The following SUGCT variants were observed in gnomAD, a reference collection of about 807,000 sequenced individuals.
SUGCT encodes the protein succinyl-CoA:glutarate-CoA transferase, also known as succinyl-CoA:glutarate CoA-transferase.
Under a neutral mutation model 55.0 loss-of-function variants are expected in SUGCT, and 41 were observed. That is an observed-to-expected ratio of 0.74 (90% CI 0.58 to 0.97). The LOEUF is 0.97. Among genes scored for constraint, SUGCT ranks in the 50% least tolerant of loss-of-function variants. SUGCT has a pLI of 0.00. For synonymous variants in SUGCT, 187 were observed against 200.4 expected (o/e 0.93, Z 0.56); for missense variants, 568 against 547.8 (o/e 1.04, Z -0.37).
chr7:41,016,892 G>T, the SUGCT span, among the ~76,000 whole-genome samples: 3 of 152,190 alleles, frequency 2.0e-5, no homozygotes. Context: ...CCCAAAAGTG[G>T]AAATCAGGTT....
chr7:40,818,042 C>T (rs987236824), intron 13 of SUGCT, among the ~76,000 whole-genome samples: 2 of 152,166 alleles, frequency 1.3e-5, no homozygotes, highest in African/African-American at 4.8e-5. Flanking sequence ...TAGACAGAAA[C>T]TCTACTCATG....
chr7:40,221,001 C>A (rs995626170), intron 6 of SUGCT, among the ~76,000 whole-genome samples: 1 of 152,144 alleles, frequency 6.6e-6, no homozygotes, highest in Non-Finnish European at 1.5e-5. Context: ...TCTTTATCAT[C>A]AGTGGAGATA....
At chr7:40,476,387 AT>A (rs1485424015) in intron 11 of SUGCT, among the ~76,000 whole-genome samples, 2 of 152,034 alleles carry the variant, frequency 1.3e-5, no homozygotes, top group South Asian at 4.2e-4. Context: ...ATTATCTGCC[AT>A]TTTTTTTAAA....
At chr7:40,666,429 T>G (rs1246154884) in intron 12 of SUGCT, among the ~76,000 whole-genome samples, 1 of 146,592 alleles carries the variant, frequency 6.8e-6, no homozygotes, top group Non-Finnish European at 1.5e-5. Context: ...GTTTTTTTTT[T>G]TTTTTTTTTT....
At chr7:40,502,042 G>A (rs559560525) in intron 12 of SUGCT, among the ~76,000 whole-genome samples, 1 of 151,772 alleles carries the variant, frequency 6.6e-6, no homozygotes, top group African/African-American at 2.4e-5. Context: ...GATAATGGAG[G>A]GTTTCAGCTT....
chr7:40,321,653 G>C (rs945899766), intron 9 of SUGCT, among the ~76,000 whole-genome samples: 4 of 152,166 alleles, frequency 2.6e-5, no homozygotes, highest in African/African-American at 7.2e-5. Context: ...AAAGTGCTGA[G>C]ATTCCAGGCG....
intron 9 of SUGCT, among the ~76,000 whole-genome samples, chr7:40,415,107 T>TCTATCTGA (rs1786919397): frequency 1.9e-5 from 2 of 108,012 alleles, no homozygotes; most frequent in African/African-American, 7.1e-5. Context: ...TATCTATCTA[T>TCTATCTGA]CTATCTATAT....
intron 6 of SUGCT, among the ~76,000 whole-genome samples, chr7:40,198,026 A>T (rs6948982): frequency 0.45 from 69,114 of 152,014 alleles, 15,943 homozygotes; most frequent in Middle Eastern, 0.62. Flanking sequence ...TAGATTATAT[A>T]ATTCAGTAGT....
intron 13 of SUGCT, among the ~76,000 whole-genome samples, chr7:40,752,514 C>T (rs1180362436): frequency 6.6e-6 from 1 of 152,184 alleles, no homozygotes; most frequent in African/African-American, 2.4e-5. Flanking sequence ...TACCACCACA[C>T]CCAACTAATT....
At chr7:40,568,468 C>T (rs541199215) in intron 12 of SUGCT, among the ~76,000 whole-genome samples, 2 of 152,262 alleles carry the variant, frequency 1.3e-5, no homozygotes, top group Admixed American at 6.5e-5. Context: ...AAAATGAAAA[C>T]TGTTTGAGTG....
chr7:40,821,777 C>T (rs1792033040), intron 13 of SUGCT, among the ~76,000 whole-genome samples: 1 of 152,084 alleles, frequency 6.6e-6, no homozygotes, highest in Non-Finnish European at 1.5e-5. Context: ...CAGTTCTGCT[C>T]TGATTTTAGT....
At chr7:40,253,076 A>G (rs1258316627) in intron 7 of SUGCT, among the ~76,000 whole-genome samples, 1 of 152,254 alleles carries the variant, frequency 6.6e-6, no homozygotes, top group Non-Finnish European at 1.5e-5. Context: ...GTTACATAGC[A>G]TTTGAATGCA....
chr7:40,678,509 T>G (rs187599094), intron 12 of SUGCT, among the ~76,000 whole-genome samples: 165 of 152,176 alleles, frequency 1.1e-3, no homozygotes, highest in African/African-American at 3.8e-3. Flanking sequence ...GAGTACACAG[T>G]GGGGTGTGAA....
At chr7:40,832,673 C>A (rs1341162914) in intron 13 of SUGCT, among the ~76,000 whole-genome samples, 1 of 145,950 alleles carries the variant, frequency 6.9e-6, no homozygotes, top group Non-Finnish European at 1.5e-5. Flanking sequence ...TTCTTCCACT[C>A]CTACTTTTTT....
chr7:40,985,317 T>C, the SUGCT span, among the ~76,000 whole-genome samples: 3 of 152,170 alleles, frequency 2.0e-5, no homozygotes, highest in African/African-American at 7.2e-5. Flanking sequence ...CTTGGGATTG[T>C]ATCAGCGTTG....
chr7:40,303,838 G>A (rs1391391895), intron 8 of SUGCT, among the ~76,000 whole-genome samples: 2 of 152,136 alleles, frequency 1.3e-5, no homozygotes, highest in East Asian at 1.9e-4. Context: ...GCTCATGCCT[G>A]TAATCCTAGC....
intron 7 of SUGCT, among the ~76,000 whole-genome samples, chr7:40,268,577 A>C (rs894270646): frequency 6.6e-6 from 1 of 152,146 alleles, no homozygotes; most frequent in Admixed American, 6.5e-5. Context: ...CTCTTAGGCT[A>C]TTATGAATAA....
At chr7:40,638,808 G>A (rs913321737) in intron 12 of SUGCT, among the ~76,000 whole-genome samples, 3 of 152,148 alleles carry the variant, frequency 2.0e-5, no homozygotes, top group Non-Finnish European at 4.4e-5. Context: ...GGGTGAAGGA[G>A]AGGGAGTAAT....
the SUGCT span, among the ~76,000 whole-genome samples, chr7:40,971,110 G>A: frequency 2.0e-5 from 3 of 152,174 alleles, no homozygotes; most frequent in Admixed American, 2.0e-4. Flanking sequence ...ACCAGCATCT[G>A]CTTGGCTGCC....
Sources: allele counts gnomAD v4.1 joint callset (sites outside exome capture counted in the v4.1 genomes callset), GRCh38; gene constraint gnomAD v4.1.1; transcripts MANE v1.5; gene names NCBI Gene and HGNC (gene_info 2026-07-23, HGNC 2026-07-21).